The following PKD1L1 variants were observed in gnomAD, a reference collection of about 807,000 sequenced individuals.
PKD1L1 encodes the protein polycystin-1-like protein 1.
In PKD1L1, 236 loss-of-function variants were observed where a neutral mutation model predicts 323.4. The ratio of observed to expected loss-of-function variants is 0.73; its 90% confidence interval spans 0.66 to 0.81. The LOEUF is 0.81. Ranked by LOEUF, PKD1L1 falls within the 40% of genes least tolerant of loss-of-function variation. The pLI is 0.00. For missense variants in PKD1L1, 3,320 were observed against 3,508.0 expected, an observed-to-expected ratio of 0.95 and a Z score of 1.35; for synonymous variants, 1,344 against 1,335.0, an observed-to-expected ratio of 1.01 and a Z score of -0.15.
In PKD1L1 at chr7:47,839,481, G is replaced by T. The variant is rs1250968005; in HGVS notation, c.5734C>A (p.Leu1912Ile). The T allele has an allele frequency of 6.2e-7, 1 of 1,612,290 alleles. No homozygotes were observed. Residue 1912 changes from leucine (L) to isoleucine (I), a missense_variant, in exon 36 of 57, where the codon CTC (leucine) becomes ATC (isoleucine). By Grantham distance (5) the Leu-to-Ile change is conservative. Transcript: ENST00000289672. The surrounding 1 kb of genome is among the most constrained non-coding windows in gnomAD (Gnocchi z 4.3). ...GRHDGRVERE[L>I]TCLQGGLGFR... ...CCGAGTCCCCCTTGCAGACAGGTGA[G>T]CTCCCGCTCCACGCGACCATCATGC...
rs148868922 is a variant in PKD1L1 at position 47,885,964 on chromosome 7, G to C, written c.2927C>G (p.Pro976Arg). The C allele has an allele frequency of 7.1e-5, 114 of 1,614,216 alleles. No homozygotes were observed. In the African/African-American group the frequency reaches 1.3e-3, roughly 18 times the overall value. ...CGTTGCATCAGGATCTGCAGTGCCA[G>C]GCTCAGTGGGCAGCAGGTTTAACTG... is the stretch of plus-strand genomic sequence containing the variant. Reference protein sequence around the residue: ...SSQLNLLPTEPGTADPDATTT... With the variant: ...SSQLNLLPTERGTADPDATTT... The change falls in exon 18 of 57, where the codon CCT becomes CGT. Residue 976 changes from proline to arginine, a missense_variant. Pro to Arg is a moderately radical substitution (Grantham distance 103). Coordinates refer to ENST00000289672, the MANE Select transcript of PKD1L1 (RefSeq NM_138295.5).
At position 47,929,471 on chromosome 7, in the gene PKD1L1, A is replaced by G. The variant is rs1279850532; in HGVS notation, c.793T>C (p.Ser265Pro). The change falls in exon 7 of 57, where the codon TCT becomes CCT. Residue 265 changes from serine (S) to proline (P), a missense_variant. Transcript: ENST00000289672. ...GGGGGATAGAGGATCTCAGAACCAGACTGCGATGCCGTGAAGCTGGGGGTG... is the reference window on the plus strand; with the variant it reads ...GGGGGATAGAGGATCTCAGAACCAGGCTGCGATGCCGTGAAGCTGGGGGTG... Reference protein sequence around the residue: ...PRTPSFTASQSGSEILYPPTQ... With the variant: ...PRTPSFTASQPGSEILYPPTQ... 1 of 1,614,104 alleles carries G rather than the reference A, an allele frequency of 6.2e-7. No individual in the cohort carries two copies.
At chr7:47,933,266 A>T (rs970321432) in intron 4 of PKD1L1, among the ~76,000 whole-genome samples, 1 of 152,144 alleles carries the variant, frequency 6.6e-6, no homozygotes, top group Non-Finnish European at 1.5e-5. Context: ...TAGTTCAACA[A>T]TGTATAGCCA....
chr7:47,863,963 G>A (rs1786091199), intron 26 of PKD1L1, among the ~76,000 whole-genome samples: 1 of 152,198 alleles, frequency 6.6e-6, no homozygotes, highest in Non-Finnish European at 1.5e-5. Context: ...AAGTTAGGTG[G>A]AAGCTGGAAG....
intron 36 of PKD1L1, among the ~76,000 whole-genome samples, chr7:47,838,460 TGAAA>T (rs1227517901): frequency 6.6e-6 from 1 of 152,118 alleles, no homozygotes; most frequent in Non-Finnish European, 1.5e-5. Context: ...CCATAATAAA[TGAAA>T]GAAAGTTATA....
upstream of PKD1L1, among the ~76,000 whole-genome samples, chr7:47,951,887 G>C (rs910065124): frequency 6.6e-6 from 1 of 152,142 alleles, no homozygotes; most frequent in East Asian, 1.9e-4. Flanking sequence ...TCTTCTGCCT[G>C]CTTCAGTTTC....
At chr7:47,922,617 G>T (rs530979625) in intron 7 of PKD1L1, among the ~76,000 whole-genome samples, 1 of 152,136 alleles carries the variant, frequency 6.6e-6, no homozygotes, top group East Asian at 1.9e-4. Flanking sequence ...CGTCTGGGAG[G>T]TGAGCAGCGT....
At position 47,800,550 on chromosome 7, in the gene PKD1L1, G is replaced by T. The variant is rs535913550; in HGVS notation, c.8193+99C>A. On this transcript the variant is annotated intron_variant, in intron 54 of 56. Coordinates refer to ENST00000289672, the MANE Select transcript of PKD1L1 (RefSeq NM_138295.5). ...GATTCATTACCATGAGATCTGGCCT[G>T]TGTTGCCTGGCCCTGTCCACATGGA... is the stretch of plus-strand genomic sequence containing the variant. 807 of 1,220,394 alleles carry T rather than the reference G, an allele frequency of 6.6e-4. 1 individual carries two copies. The highest frequency in any genetic ancestry group is 7.7e-4 in the Non-Finnish European group (661 of 854,944). 75.6% of individuals were successfully genotyped at this position (1,220,394 alleles called of 1,614,324 possible). A position where few individuals can be genotyped will look rare whatever the true frequency, so the allele number is the denominator to read the frequency against.
At chr7:47,936,983 T>C in intron 3 of PKD1L1, 25 bp from the exon 4 acceptor site, 1 of 1,546,382 alleles carries the variant, frequency 6.5e-7, no homozygotes, top group African/African-American at 1.4e-5. Flanking sequence ...AATAAAATAA[T>C]GTGAGAGAGC....
rs1192131053 is a variant in PKD1L1 at position 47,943,459 on chromosome 7, T to G, written c.97A>C (p.Thr33Pro). ...AGATGAAGACCCCAGCTCTTGTCAG[T>G]GCTCACAGACAGCTCACCACCAAAG... is the stretch of plus-strand genomic sequence containing the variant. ...LSFGGELSVS[T>P]DKSWGLHLCS... The change falls in exon 2 of 57, where the codon ACT (threonine) becomes CCT (proline). Residue 33 changes from threonine to proline, a missense_variant. Physicochemically the swap from Thr to Pro is conservative, Grantham distance 38 (BLOSUM62 -1). Transcript: ENST00000289672. 1 of 1,613,476 alleles carries G rather than the reference T, an allele frequency of 6.2e-7. No homozygotes were observed. Among genetic ancestry groups the G allele is most frequent in the African/African-American group, 1.3e-5 (1 of 74,990 alleles).
intron 31 of PKD1L1, among the ~76,000 whole-genome samples, chr7:47,851,820 TA>T (rs971677788): frequency 4.0e-5 from 6 of 151,256 alleles, no homozygotes; most frequent in Admixed American, 1.3e-4. Flanking sequence ...CCTAAGCTCA[TA>T]AAAAAAAGTC....
chr7:47,871,288 G>A (rs1786276515), intron 24 of PKD1L1, among the ~76,000 whole-genome samples: 1 of 152,094 alleles, frequency 6.6e-6, no homozygotes, highest in Non-Finnish European at 1.5e-5. Flanking sequence ...CCTGAGACTG[G>A]GTAATATATA....
intron 7 of PKD1L1, among the ~76,000 whole-genome samples, chr7:47,916,178 G>A (rs1001977057): frequency 5.1e-4 from 77 of 152,334 alleles, no homozygotes; most frequent in African/African-American, 1.6e-3. Context: ...AGGTGATCCA[G>A]TACCTATCTA....
chr7:47,775,593 T>C (rs753827037), intron 56 of PKD1L1, among the ~76,000 whole-genome samples: 1 of 152,132 alleles, frequency 6.6e-6, no homozygotes, highest in African/African-American at 2.4e-5. Flanking sequence ...TCAATAAAAA[T>C]GAAAACATAT....
At chr7:47,931,851 A>G (rs1167923078) in intron 5 of PKD1L1, 85 bp downstream of exon 5, 1 of 1,482,218 alleles carries the variant, frequency 6.7e-7, no homozygotes, top group Non-Finnish European at 9.1e-7. Flanking sequence ...GAGGCCGCCT[A>G]CATACGGGTG....
intron 4 of PKD1L1, among the ~76,000 whole-genome samples, chr7:47,934,180 G>T (rs1434306789): frequency 6.6e-6 from 1 of 152,226 alleles, no homozygotes; most frequent in East Asian, 1.9e-4. Flanking sequence ...CGCAGCTCTG[G>T]CTGCAAAGTA....
chr7:47,844,324 C>G (rs1785621093), intron 33 of PKD1L1, among the ~76,000 whole-genome samples: 1 of 152,166 alleles, frequency 6.6e-6, no homozygotes, highest in Admixed American at 6.5e-5. Flanking sequence ...GAGTTTCTTA[C>G]TATATGAATA....
At position 47,948,461 on chromosome 7, in the gene PKD1L1, A is replaced by G; in HGVS notation, c.-21T>C. ...GCCATGTCCTGTGCAAGCTGGTCAC[A>G]AGTATGACAGTCAGCAGACCAGCTT... On this transcript the variant is annotated 5_prime_UTR_variant, in exon 1 of 57. Transcript: ENST00000289672. 2.5e-6 allele frequency: 4 copies of G among 1,613,768 alleles called. No individual in the cohort carries two copies. The highest frequency in any genetic ancestry group is 3.4e-6 in the Non-Finnish European group (4 of 1,179,814).
rs369527438 is a variant in PKD1L1, at chr7:47,905,998, C to T, written c.1403-36G>A. The T allele has an allele frequency of 3.3e-5, 51 of 1,535,982 alleles. 1 individual carries two copies. The highest frequency in any genetic ancestry group is 1.7e-4 in the African/African-American group (12 of 70,920). Reference sequence around the variant, plus strand: ...AAAAAAAGGAGATAAGAGAAAAAGTCTTAAAATTAATTCACTTTTATCATG... The same window carrying T: ...AAAAAAAGGAGATAAGAGAAAAAGTTTTAAAATTAATTCACTTTTATCATG... On this transcript the variant is annotated intron_variant, in intron 9 of 56. Coordinates refer to ENST00000289672, the MANE Select transcript of PKD1L1 (RefSeq NM_138295.5).
Sources: gnomAD v4.1 joint callset for allele counts (sites outside exome capture counted in the v4.1 genomes callset) on GRCh38, gnomAD v4.1.1 for gene constraint, Gnocchi (gnomAD v3.1) non-coding constraint, MANE v1.5 for transcripts, NCBI Gene and HGNC (gene_info 2026-07-23, HGNC 2026-07-21) for gene names.